Variants in SLCO6A1 observed in about 807,000 individuals in gnomAD.
SLCO6A1 encodes solute carrier organic anion transporter family member 6A1, also known as cancer/testis antigen 48.
Under a neutral mutation model 72.7 loss-of-function variants are expected in SLCO6A1, and 65 were observed. The observed-to-expected ratio is 0.89, with a 90% CI of 0.73 to 1.10. SLCO6A1 has a LOEUF of 1.10. SLCO6A1 is among the 50% of genes least tolerant of loss of function. The pLI, the probability that SLCO6A1 is intolerant of heterozygous loss-of-function variation, is 0.00. For synonymous variants in SLCO6A1, 314 were observed against 298.2 expected, an observed-to-expected ratio of 1.05 and a Z score of -0.55; for missense variants, 874 against 872.6, an observed-to-expected ratio of 1.00 and a Z score of -0.02.
chr5:102,446,455 C>G lies in SLCO6A1; in HGVS notation c.1132-7694G>C, dbSNP rs149134717. 2.1e-3 allele frequency among the ~76,000 whole-genome samples: 314 copies of G among 152,208 alleles called. 2 individuals are homozygous for G. Among genetic ancestry groups the G allele is most frequent in the African/African-American group, 7.2e-3 (298 of 41,550 alleles). Reference sequence around the variant, plus strand: ...ACTTTGCTGAAGTTGTTTATGAAATCTGGGAGCCACTGGGAAGATACTATG... The same window carrying G: ...ACTTTGCTGAAGTTGTTTATGAAATGTGGGAGCCACTGGGAAGATACTATG... On this transcript the variant is annotated intron_variant, in intron 6 of 13. Coordinates refer to ENST00000506729, the MANE Select transcript of SLCO6A1 (RefSeq NM_173488.5).
chr5:102,384,337 A>T (rs1463093183), intron 12 of SLCO6A1, among the ~76,000 whole-genome samples: 1 of 151,994 alleles, frequency 6.6e-6, no homozygotes, highest in Non-Finnish European at 1.5e-5. Flanking sequence ...GTAATTATTG[A>T]TAGTTAAGGA....
chr5:102,447,369 C>T (rs528556655), intron 6 of SLCO6A1, among the ~76,000 whole-genome samples: 3 of 152,202 alleles, frequency 2.0e-5, no homozygotes, highest in East Asian at 3.9e-4. Context: ...ATCAGAATGA[C>T]GTTGGCCTCA....
chr5:102,434,234 G>A lies in SLCO6A1; in HGVS notation c.1276+4383C>T, dbSNP rs148993393. On this transcript the variant is annotated intron_variant, in intron 7 of 13. Transcript: ENST00000506729. Reference sequence around the variant, plus strand: ...ATAATAAGGATAGTATTTCCACGTAGAGCACAGGACAACTTTGCTTAGAAT... The same window carrying A: ...ATAATAAGGATAGTATTTCCACGTAAAGCACAGGACAACTTTGCTTAGAAT... Among the ~76,000 whole-genome samples the A allele has an allele frequency of 4.5e-3, 681 of 152,172 alleles. 6 individuals are homozygous for A. Among genetic ancestry groups the A allele is most frequent in the African/African-American group, 0.015 (622 of 41,510 alleles).
At chr5:102,428,158 C>T (rs1749016347) in intron 7 of SLCO6A1, among the ~76,000 whole-genome samples, 1 of 151,488 alleles carries the variant, frequency 6.6e-6, no homozygotes, top group African/African-American at 2.4e-5. Flanking sequence ...CATGAACCAC[C>T]ATATCTGGCC....
chr5:102,414,413 G>C (rs556021890), intron 8 of SLCO6A1, among the ~76,000 whole-genome samples: 14 of 152,176 alleles, frequency 9.2e-5, no homozygotes, highest in African/African-American at 2.6e-4. Context: ...AGAATAAAAG[G>C]CTTCCAAATT....
In SLCO6A1 at chr5:102,458,454, A is replaced by T; in HGVS notation, c.1059T>A (p.Leu353=). Residue 353 remains leucine (L), a synonymous_variant, in exon 6 of 14, where the codon CTT becomes CTA. Transcript: ENST00000506729. ...TRIKARKRKQ[L]HFFDSRLKDL... is the part of the protein sequence containing the mutation. ...CTTTAAGTCTGCTGTCAAAAAAATG[A>T]AGCTGTTTACGTTTCCTAGCTTTTA... is the stretch of plus-strand genomic sequence containing the variant. 6.2e-7 allele frequency: 1 copy of T among 1,612,962 alleles called. No individual in the cohort carries two copies. Among genetic ancestry groups the T allele is most frequent in the Non-Finnish European group, 8.5e-7 (1 of 1,179,408 alleles).
chr5:102,459,223 A>G (rs1385598036), intron 5 of SLCO6A1, among the ~76,000 whole-genome samples: 1 of 152,114 alleles, frequency 6.6e-6, no homozygotes, highest in African/African-American at 2.4e-5. Flanking sequence ...TAGCCTGCAC[A>G]ACATAGCAAG....
intron 4 of SLCO6A1, among the ~76,000 whole-genome samples, chr5:102,463,408 T>C (rs1751145008): frequency 6.6e-6 from 1 of 152,128 alleles, no homozygotes; most frequent in Non-Finnish European, 1.5e-5. Flanking sequence ...GATCAAACAA[T>C]CTCACTACTG....
At chr5:102,390,924 C>T (rs1473369714) in intron 11 of SLCO6A1, 57 bp downstream of exon 11, 17 of 1,359,984 alleles carry the variant, frequency 1.3e-5, no homozygotes, top group Non-Finnish European at 1.8e-5. Context: ...CACATGTAGA[C>T]ATATATACAT....
intron 10 of SLCO6A1, among the ~76,000 whole-genome samples, chr5:102,394,462 C>A: frequency 6.6e-6 from 1 of 151,894 alleles, no homozygotes; most frequent in East Asian, 1.9e-4. Flanking sequence ...AAATTTATTT[C>A]TGTAAGGTTA....
intron 12 of SLCO6A1, among the ~76,000 whole-genome samples, chr5:102,384,619 T>C (rs971458566): frequency 8.5e-5 from 13 of 152,162 alleles, no homozygotes; most frequent in African/African-American, 3.1e-4. Flanking sequence ...CCATTGCATA[T>C]GGAAACTCTA....
At chr5:102,429,580 T>C (rs1170695834) in intron 7 of SLCO6A1, among the ~76,000 whole-genome samples, 1 of 152,156 alleles carries the variant, frequency 6.6e-6, no homozygotes, top group African/African-American at 2.4e-5. Flanking sequence ...TCATTGCTTG[T>C]TTTAGTCAGG....
At chr5:102,446,674 A>G (rs545656331) in intron 6 of SLCO6A1, among the ~76,000 whole-genome samples, 4 of 152,152 alleles carry the variant, frequency 2.6e-5, no homozygotes, top group African/African-American at 9.7e-5. Context: ...TTCCCCATTC[A>G]GTATGATGTT....
In SLCO6A1 at chr5:102,421,353, G is replaced by T. The variant is rs1482549898; in HGVS notation, c.1277-1332C>A. Among the ~76,000 whole-genome samples, 8 of 152,148 alleles carry T rather than the reference G, an allele frequency of 5.3e-5. No homozygotes were observed. In the East Asian group the frequency reaches 1.5e-3, roughly 29 times the overall value. On this transcript the variant is annotated intron_variant, in intron 7 of 13. Transcript: ENST00000506729. ...GCAGGTTCCACTCCCATGGAGCCGA[G>T]AAAGCTAAGATCCACTGGCTTGAAA...
intron 12 of SLCO6A1, among the ~76,000 whole-genome samples, chr5:102,374,817 GAAC>G (rs935402886): frequency 1.2e-4 from 18 of 152,064 alleles, no homozygotes; most frequent in African/African-American, 3.6e-4. Flanking sequence ...GAGCAATTTT[GAAC>G]AACAAGCCAG....
intron 7 of SLCO6A1, among the ~76,000 whole-genome samples, chr5:102,428,765 T>G (rs774917967): frequency 6.6e-6 from 1 of 152,156 alleles, no homozygotes; most frequent in African/African-American, 2.4e-5. Context: ...AACATATGCA[T>G]GCATGTGTCT....
chr5:102,424,365 A>T (rs1236958317), intron 7 of SLCO6A1, among the ~76,000 whole-genome samples: 1 of 152,162 alleles, frequency 6.6e-6, no homozygotes, highest in East Asian at 1.9e-4. Context: ...CAAACTAGAT[A>T]CACTGCTAGC....
At chr5:102,464,871 T>C (rs1032676866) in intron 4 of SLCO6A1, among the ~76,000 whole-genome samples, 3 of 152,142 alleles carry the variant, frequency 2.0e-5, no homozygotes, top group Non-Finnish European at 4.4e-5. Context: ...TTGTCTATAA[T>C]AGGTCAACCG....
At chr5:102,478,478 T>C (rs2112823895) in intron 2 of SLCO6A1, among the ~76,000 whole-genome samples, 1 of 152,312 alleles carries the variant, frequency 6.6e-6, no homozygotes, top group South Asian at 2.1e-4. Context: ...TTAAATAATT[T>C]CCCATTTTAG....
Sources: gnomAD v4.1 joint callset for allele counts (sites outside exome capture counted in the v4.1 genomes callset) on GRCh38, gnomAD v4.1.1 for gene constraint, MANE v1.5 for transcripts, NCBI Gene and HGNC (gene_info 2026-07-23, HGNC 2026-07-21) for gene names.